CRTC3: variants seen among roughly 807,000 people sequenced by gnomAD.
CRTC3 encodes the protein CREB-regulated transcription coactivator 3.
Under a neutral mutation model 74.5 loss-of-function variants are expected in CRTC3, and 26 were observed. The ratio of observed to expected loss-of-function variants is 0.35; its 90% confidence interval spans 0.26 to 0.48. The LOEUF (loss-of-function observed/expected upper bound fraction) is 0.48, where lower values mean the gene tolerates loss of function less well. Ranked by LOEUF, CRTC3 falls within the 20% of genes least tolerant of loss-of-function variation. The pLI, the probability that CRTC3 is intolerant of heterozygous loss-of-function variation, is 0.99. For missense variants in CRTC3, 760 were observed against 787.3 expected (o/e 0.97, Z 0.41); for synonymous variants, 377 against 325.8 (o/e 1.16, Z -1.69).
At chr15:90,558,246 C>T (rs777115929) in intron 2 of CRTC3, among the ~76,000 whole-genome samples, 83 of 152,244 alleles carry the variant, frequency 5.5e-4, no homozygotes, top group Middle Eastern at 3.4e-3. Flanking sequence ...CATTTTGTCC[C>T]TGGATTCTTG....
At chr15:90,538,681 A>G (rs569129029) in intron 1 of CRTC3, among the ~76,000 whole-genome samples, 82 of 152,142 alleles carry the variant, frequency 5.4e-4, no homozygotes, top group African/African-American at 1.9e-3. Flanking sequence ...TATTTCACAT[A>G]TACTATTTGA....
At chr15:90,631,710 CAG>C (rs961315289) in intron 11 of CRTC3, among the ~76,000 whole-genome samples, 6 of 138,270 alleles carry the variant, frequency 4.3e-5, no homozygotes, top group African/African-American at 1.7e-4. Context: ...GCCTGGGTGA[CAG>C]AGTTACTCTG....
At chr15:90,601,780 G>A (rs993077599) in intron 3 of CRTC3, among the ~76,000 whole-genome samples, 3 of 152,238 alleles carry the variant, frequency 2.0e-5, no homozygotes, top group African/African-American at 2.4e-5. Context: ...ACCTACCTCT[G>A]TGGTACCACT....
At chr15:90,631,346 C>T (rs1271094473) in intron 11 of CRTC3, among the ~76,000 whole-genome samples, 1 of 152,268 alleles carries the variant, frequency 6.6e-6, no homozygotes, top group East Asian at 1.9e-4. Context: ...CCAAGTGATC[C>T]TCCTGCCTCA....
intron 11 of CRTC3, among the ~76,000 whole-genome samples, chr15:90,631,407 G>A (rs553194194): frequency 1.3e-5 from 2 of 152,168 alleles, no homozygotes; most frequent in East Asian, 3.9e-4. Context: ...ACCACACCCA[G>A]CTAATTTTTT....
chr15:90,586,785 C>G (rs1218359572), intron 2 of CRTC3, among the ~76,000 whole-genome samples: 1 of 152,166 alleles, frequency 6.6e-6, no homozygotes, highest in Non-Finnish European at 1.5e-5. Flanking sequence ...AAAAATACAA[C>G]TATAAGCTAG....
chr15:90,542,614 T>G lies in CRTC3; in HGVS notation c.231+2477T>G, dbSNP rs185323008. 4.5e-4 allele frequency among the ~76,000 whole-genome samples: 68 copies of G among 152,296 alleles called. 1 individual carries two copies. Among genetic ancestry groups the G allele is most frequent in the African/African-American group, 1.6e-3 (67 of 41,572 alleles). ...AATACAGCCATCAAGATAAGAAAAT[T>G]AACAGTGATCCATTATTACAATCTG... is the stretch of plus-strand genomic sequence containing the variant. On this transcript the variant is annotated intron_variant, in intron 2 of 14. Transcript: ENST00000268184.
chr15:90,540,760 G>A (rs1045275719), intron 2 of CRTC3, among the ~76,000 whole-genome samples: 2 of 151,968 alleles, frequency 1.3e-5, no homozygotes, highest in East Asian at 1.9e-4. Context: ...GCGACAGAGC[G>A]AGACTGTCTC....
At position 90,609,786 on chromosome 15, in the gene CRTC3, C is replaced by T. The variant is rs181945380; in HGVS notation, c.577+2308C>T. 2.6e-5 allele frequency among the ~76,000 whole-genome samples: 4 copies of T among 152,234 alleles called. No homozygotes were observed. In the East Asian group the frequency reaches 7.7e-4, roughly 29 times the overall value. ...AAAGCAAAGGAATGTAAACATTGGTCCAGGTAGACAGAGCAATGAGAAAAA... is the reference window on the plus strand; with the variant it reads ...AAAGCAAAGGAATGTAAACATTGGTTCAGGTAGACAGAGCAATGAGAAAAA... On this transcript the variant is annotated intron_variant, in intron 6 of 14. Transcript: ENST00000268184.
intron 12 of CRTC3, 39 bp downstream of exon 12, chr15:90,638,685 T>C: frequency 6.2e-7 from 1 of 1,611,826 alleles, no homozygotes; most frequent in South Asian, 1.1e-5. Flanking sequence ...AGGGAATGCT[T>C]GTTTTGCTCT....
intron 1 of CRTC3, among the ~76,000 whole-genome samples, chr15:90,539,423 A>AG (rs11441053): frequency 0.88 from 134,352 of 152,138 alleles, 59,563 homozygotes; most frequent in Middle Eastern, 0.92. Flanking sequence ...TATGTATATT[A>AG]TAAACTCTTT....
intron 3 of CRTC3, chr15:90,594,334 A>T (rs1418613973): frequency 6.6e-6 from 1 of 152,250 alleles, no homozygotes; most frequent in African/African-American, 2.4e-5. Context: ...TGGTGAATTC[A>T]CCTGACAGTT....
intron 11 of CRTC3, among the ~76,000 whole-genome samples, chr15:90,636,788 A>T (rs538745231): frequency 1.1e-3 from 173 of 152,368 alleles, no homozygotes; most frequent in African/African-American, 4.1e-3. Context: ...ATGCAGCTAA[A>T]AGACACATGA....
At position 90,554,754 on chromosome 15, in the gene CRTC3, G is replaced by A. The variant is rs546646105; in HGVS notation, c.231+14617G>A. Among the ~76,000 whole-genome samples the A allele has an allele frequency of 2.0e-5, 3 of 152,320 alleles. No homozygotes were observed. The South Asian group carries it at 6.2e-4, about 32-fold the overall frequency. On this transcript the variant is annotated intron_variant, in intron 2 of 14. Transcript: ENST00000268184. ...ATCAGATAATACGTGTGAAGCGCCT[G>A]GTGCAGTAAATGCTTATGGTTTTGT...
intron 1 of CRTC3, 57 bp from the exon 2 acceptor site, chr15:90,539,982 T>C (rs1466431360): frequency 8.7e-7 from 1 of 1,144,996 alleles, no homozygotes; most frequent in Non-Finnish European, 1.3e-6. Flanking sequence ...TATACTTTGA[T>C]GCTTCTTTAG....
In CRTC3 at chr15:90,607,495, A is replaced by G. The variant is rs751433846; in HGVS notation, c.577+17A>G. 2 of 1,449,170 alleles carry G rather than the reference A, an allele frequency of 1.4e-6. No individual in the cohort carries two copies. Among genetic ancestry groups the G allele is most frequent in the South Asian group, 2.3e-5 (2 of 86,642 alleles). 89.8% of individuals were successfully genotyped at this position (1,449,170 alleles called of 1,614,324 possible). ...CATACATGGGTAAGACACACAGGCC[A>G]CTGCTGACAGCAGCTGTGCTTGCTC... is the stretch of plus-strand genomic sequence containing the variant. On this transcript the variant is annotated intron_variant, in intron 6 of 14. Coordinates refer to ENST00000268184, the MANE Select transcript of CRTC3 (RefSeq NM_022769.5).
chr15:90,552,808 A>T (rs955644971), intron 2 of CRTC3, among the ~76,000 whole-genome samples: 1 of 152,176 alleles, frequency 6.6e-6, no homozygotes, highest in Non-Finnish European at 1.5e-5. Context: ...AAGAAAACTG[A>T]TTCCTTCCCA....
chr15:90,631,411 AT>A (rs1251020788), intron 11 of CRTC3, among the ~76,000 whole-genome samples: 3 of 152,000 alleles, frequency 2.0e-5, no homozygotes, highest in African/African-American at 4.8e-5. Flanking sequence ...CACCCAGCTA[AT>A]TTTTTTAATT....
At chr15:90,595,662 A>G (rs935695472) in intron 3 of CRTC3, 13 of 152,058 alleles carry the variant, frequency 8.5e-5, no homozygotes, top group African/African-American at 2.9e-4. Flanking sequence ...ACATTATGCT[A>G]TATATACGTG....
Sources: gnomAD v4.1 joint callset for allele counts (sites outside exome capture counted in the v4.1 genomes callset) on GRCh38, gnomAD v4.1.1 for gene constraint, MANE v1.5 for transcripts, NCBI Gene and HGNC (gene_info 2026-07-23, HGNC 2026-07-21) for gene names.